The following PRDM16 variants were observed in gnomAD, a reference collection of about 807,000 sequenced individuals.
PRDM16 encodes the protein histone-lysine N-methyltransferase PRDM16.
In PRDM16, 23 loss-of-function variants were observed where a neutral mutation model predicts 110.6. That is an observed-to-expected ratio of 0.21 (90% CI 0.15 to 0.29). The LOEUF (loss-of-function observed/expected upper bound fraction) is 0.29. Among genes scored for constraint, PRDM16 ranks in the 10% least tolerant of loss-of-function variants. PRDM16 has a pLI of 1.00. For synonymous variants in PRDM16, 799 were observed against 781.8 expected (o/e 1.02, Z -0.37); for missense variants, 1,615 against 1,794.3 (o/e 0.90, Z 1.81).
intron 3 of PRDM16, among the ~76,000 whole-genome samples, chr1:3,363,364 C>T (rs758300032): frequency 1.3e-5 from 2 of 152,186 alleles, no homozygotes; most frequent in Non-Finnish European, 2.9e-5. Flanking sequence ...TAAACATACC[C>T]CAGGAAGGTA....
chr1:3,171,113 G>A lies in PRDM16; in HGVS notation c.38-15012G>A, dbSNP rs549947681. ...TGCACCTTCCAGACTGACAGTGCTCGGGGCCCTCTCTCCCTCTTGCGATTT... is the reference window on the plus strand; with the variant it reads ...TGCACCTTCCAGACTGACAGTGCTCAGGGCCCTCTCTCCCTCTTGCGATTT... On this transcript the variant is annotated intron_variant, in intron 1 of 16. Coordinates refer to ENST00000270722, the MANE Select transcript of PRDM16 (RefSeq NM_022114.4). 2.3e-4 allele frequency among the ~76,000 whole-genome samples: 35 copies of A among 152,342 alleles called. 1 individual carries two copies. The South Asian group carries it at 5.8e-3, about 25-fold the overall frequency.
intron 1 of PRDM16, among the ~76,000 whole-genome samples, chr1:3,076,811 G>A (rs560858883): frequency 6.6e-6 from 1 of 152,162 alleles, no homozygotes; most frequent in Non-Finnish European, 1.5e-5. Context: ...TTAGCCTTCC[G>A]ACTTACCTGG....
At chr1:3,397,082 G>C (rs565713652) in intron 5 of PRDM16, among the ~76,000 whole-genome samples, 1 of 152,278 alleles carries the variant, frequency 6.6e-6, no homozygotes, top group African/African-American at 2.4e-5. Context: ...CTGTGGGGTG[G>C]GAAGATTTTG....
chr1:3,230,900 G>A (rs947939743), intron 2 of PRDM16, among the ~76,000 whole-genome samples: 6 of 152,184 alleles, frequency 3.9e-5, no homozygotes, highest in African/African-American at 1.4e-4. Flanking sequence ...GGGAGCAGGT[G>A]TGAGCAAAGG....
At chr1:3,094,621 G>A (rs1247760789) in intron 1 of PRDM16, among the ~76,000 whole-genome samples, 1 of 152,238 alleles carries the variant, frequency 6.6e-6, no homozygotes, top group Non-Finnish European at 1.5e-5. Context: ...TGATGAGGAG[G>A]TGACTTTCAT....
intron 1 of PRDM16, among the ~76,000 whole-genome samples, chr1:3,091,320 G>A (rs1052272414): frequency 6.6e-6 from 1 of 152,164 alleles, no homozygotes. Flanking sequence ...CACCTGGGAC[G>A]TTACCAGCAC....
At chr1:3,086,508 C>T (rs886698276) in intron 1 of PRDM16, among the ~76,000 whole-genome samples, 6 of 152,090 alleles carry the variant, frequency 3.9e-5, no homozygotes, top group Non-Finnish European at 5.9e-5. Flanking sequence ...CTCCTCCCTC[C>T]GCTACTGGCC....
chr1:3,234,462 G>A (rs1639493405), intron 2 of PRDM16, among the ~76,000 whole-genome samples: 2 of 152,226 alleles, frequency 1.3e-5, no homozygotes, highest in Admixed American at 1.3e-4. Flanking sequence ...GCGGGAGCCG[G>A]ACCCTGTGCC....
At position 3,359,823 on chromosome 1, in the gene PRDM16, G is replaced by A. The variant is rs1015534065; in HGVS notation, c.439-25329G>A. Among the ~76,000 whole-genome samples the A allele has an allele frequency of 5.9e-5, 9 of 152,268 alleles. No homozygotes were observed. The highest frequency in any genetic ancestry group is 4.1e-4 in the South Asian group (2 of 4,824). ...GCCTGAAACCACGCCCGTGCTCAAA[G>A]TGATGTTTACTTAGAAGGTGGCACC... On this transcript the variant is annotated intron_variant, in intron 3 of 16. Transcript: ENST00000270722. The surrounding 1 kb of genome is among the most constrained non-coding windows in gnomAD (Gnocchi z 4.3).
intron 1 of PRDM16, among the ~76,000 whole-genome samples, chr1:3,146,006 G>A (rs1432810905): frequency 2.6e-5 from 4 of 152,186 alleles, no homozygotes; most frequent in Admixed American, 6.5e-5. Flanking sequence ...GCGGGTATCA[G>A]GCCTCCTGGG....
Position 3,206,508 on chromosome 1 carries a change from T to A in PRDM16, c.387+20034T>A, listed in dbSNP as rs1306735494. 6.6e-6 allele frequency: 1 copy of A among 152,086 alleles called. No homozygotes were observed. Among genetic ancestry groups the A allele is most frequent in the South Asian group, 2.1e-4 (1 of 4,816 alleles). 9.4% of individuals were successfully genotyped at this position (152,086 alleles called of 1,614,324 possible). The stretch of plus-strand genomic sequence containing the variant: ...GCCTTCACGCATCCTCAGAAAGTGA[T>A]GTTGCTGAGTGAATAGAAGGTGCAC... On this transcript the variant is annotated intron_variant, in intron 2 of 16. Coordinates refer to ENST00000270722, the MANE Select transcript of PRDM16 (RefSeq NM_022114.4). This position sits in a 1 kb window ranked among gnomAD's most constrained non-coding sequence, Gnocchi z 4.9.
In PRDM16 at chr1:3,340,639, G is replaced by A. The variant is rs557646858; in HGVS notation, c.439-44513G>A. Among the ~76,000 whole-genome samples, 6 of 152,314 alleles carry A rather than the reference G, an allele frequency of 3.9e-5. No homozygotes were observed. In the East Asian group the frequency reaches 1.2e-3, roughly 29 times the overall value. ...GAAATAGAGCCGGGACACTCAATAA[G>A]CCAATTGTTAGCTCCATCGATCTTA... On this transcript the variant is annotated intron_variant, in intron 3 of 16. Transcript: ENST00000270722.
chr1:3,272,806 G>A (rs1640488335), intron 3 of PRDM16, among the ~76,000 whole-genome samples: 1 of 152,224 alleles, frequency 6.6e-6, no homozygotes, highest in Non-Finnish European at 1.5e-5. Flanking sequence ...CTCTGGAGCT[G>A]CCCTGTGCCC....
chr1:3,175,812 T>A lies in PRDM16; in HGVS notation c.38-10313T>A, dbSNP rs144671552. Among the ~76,000 whole-genome samples the A allele has an allele frequency of 7.9e-4, 120 of 152,236 alleles. No individual in the cohort carries two copies. Among genetic ancestry groups the A allele is most frequent in the African/African-American group, 2.8e-3 (118 of 41,528 alleles). On this transcript the variant is annotated intron_variant, in intron 1 of 16. Coordinates refer to ENST00000270722, the MANE Select transcript of PRDM16 (RefSeq NM_022114.4). This position sits in a 1 kb window ranked among gnomAD's most constrained non-coding sequence, Gnocchi z 4.8. ...CAGACGTTCCTCTCAGATGAGCCGA[T>A]CAGGGTCAAGGGCAGAGAGGAGCCA...
At chr1:3,282,395 C>G (rs967213040) in intron 3 of PRDM16, among the ~76,000 whole-genome samples, 6 of 152,336 alleles carry the variant, frequency 3.9e-5, no homozygotes, top group South Asian at 4.1e-4. Context: ...CTTGTCCCCC[C>G]ACTGTCGGGC....
At chr1:3,180,854 TCTTACGCACGGC>T in intron 1 of PRDM16, among the ~76,000 whole-genome samples, 4 of 148,922 alleles carry the variant, frequency 2.7e-5, no homozygotes, top group Non-Finnish European at 4.4e-5. Context: ...ACACACGCAG[TCTTACGCACGGC>T]CTTACACACG....
chr1:3,412,315 C>T lies in PRDM16; in HGVS notation c.2118C>T (p.Pro706=), dbSNP rs543211916. ...CCATTGCCGAGAAGTACTTTGGCCC[C>T]GGCTTCATGGGGATGCAGGAGAAGA... The part of the protein sequence containing the change: ...IASIAEKYFG[P]GFMGMQEKKL... The change falls in exon 9 of 17, where the codon CCC becomes CCT. Residue 706 remains proline (P), a synonymous_variant. Transcript: ENST00000270722. 6.3e-5 allele frequency: 102 copies of T among 1,613,680 alleles called. No homozygotes were observed. The highest frequency in any genetic ancestry group is 2.8e-4 in the Admixed American group (17 of 60,010).
intron 3 of PRDM16, among the ~76,000 whole-genome samples, chr1:3,361,585 A>T (rs906844200): frequency 1.3e-5 from 2 of 152,178 alleles, no homozygotes; most frequent in African/African-American, 2.4e-5. Context: ...GGGGCATAAC[A>T]CCGGCCCAAC....
At chr1:3,097,343 A>C (rs1004124488) in intron 1 of PRDM16, among the ~76,000 whole-genome samples, 1 of 152,218 alleles carries the variant, frequency 6.6e-6, no homozygotes, top group Non-Finnish European at 1.5e-5. Flanking sequence ...CGAGGGCTGC[A>C]TCTCCAAAGG....
Sources: allele counts gnomAD v4.1 joint callset (sites outside exome capture counted in the v4.1 genomes callset), GRCh38; gene constraint gnomAD v4.1.1; non-coding constraint Gnocchi (gnomAD v3.1); transcripts MANE v1.5; gene names NCBI Gene and HGNC (gene_info 2026-07-23, HGNC 2026-07-21).